The following ATL1 variants were observed in gnomAD, a reference collection of about 807,000 sequenced individuals.
ATL1 encodes atlastin-1.
A neutral mutation model predicts 75.5 loss-of-function variants in ATL1; 31 were observed. That is an observed-to-expected ratio of 0.41 (90% CI 0.31 to 0.55). The LOEUF (loss-of-function observed/expected upper bound fraction) is 0.55, where lower values mean the gene tolerates loss of function less well. Among genes scored for constraint, ATL1 ranks in the 20% least tolerant of loss-of-function variants. The pLI, the probability that ATL1 is intolerant of heterozygous loss-of-function variation, is 0.27. For synonymous variants in ATL1, 226 were observed against 233.3 expected (o/e 0.97, Z 0.28); for missense variants, 405 against 662.6 (o/e 0.61, Z 4.27).
intron 6 of ATL1, among the ~76,000 whole-genome samples, chr14:50,613,052 T>C (rs2039380980): frequency 6.6e-6 from 1 of 152,146 alleles, no homozygotes; most frequent in Non-Finnish European, 1.5e-5. Context: ...TACACAGCCT[T>C]CTGTTCACAT....
At chr14:50,620,823 G>A (rs1595619686) in intron 9 of ATL1, 97 bp downstream of exon 9, 24 of 1,391,628 alleles carry the variant, frequency 1.7e-5, no homozygotes, top group Non-Finnish European at 2.0e-5. Flanking sequence ...TAATATGGGA[G>A]CAAAGGTACG....
At position 50,540,915 on chromosome 14, in the gene ATL1, T is replaced by A. The variant is rs925976850; in HGVS notation, c.-140+7548T>A. 3.3e-5 allele frequency among the ~76,000 whole-genome samples: 5 copies of A among 152,210 alleles called. No homozygotes were observed. In the East Asian group the frequency reaches 9.6e-4, roughly 29 times the overall value. On this transcript the variant is annotated intron_variant, in intron 1 of 13. Coordinates refer to the ATL1 transcript ENST00000441560. ...ATTAAAGATATGAAAGATACAAGTC[T>A]TTTCCTTTTAACTCCTCTTGGCTTG... is the stretch of plus-strand genomic sequence containing the variant.
intron 1 of ATL1, among the ~76,000 whole-genome samples, chr14:50,578,660 T>C (rs539098415): frequency 1.6e-4 from 24 of 152,312 alleles, no homozygotes; most frequent in African/African-American, 5.5e-4. Flanking sequence ...TTTCTTATGA[T>C]ATATATTGGG....
intron 2 of ATL1, among the ~76,000 whole-genome samples, chr14:50,588,318 T>A (rs891375358): frequency 6.6e-6 from 1 of 152,234 alleles, no homozygotes; most frequent in Non-Finnish European, 1.5e-5. Context: ...ATATTTTTAT[T>A]CTTTTAAAAA....
chr14:50,603,209 T>G (rs1174004106), intron 6 of ATL1, among the ~76,000 whole-genome samples: 3 of 152,218 alleles, frequency 2.0e-5, no homozygotes, highest in African/African-American at 7.2e-5. Context: ...ACTATTTACA[T>G]TTATTATCTT....
chr14:50,584,128 A>T (rs1458171222), intron 1 of ATL1, among the ~76,000 whole-genome samples: 1 of 152,216 alleles, frequency 6.6e-6, no homozygotes, highest in Non-Finnish European at 1.5e-5. Context: ...TAATGCCAGC[A>T]CTTTGGGAGG....
At chr14:50,558,191 C>T (rs2038786996), upstream of ATL1, among the ~76,000 whole-genome samples, 1 of 151,998 alleles carries the variant, frequency 6.6e-6, no homozygotes, top group Non-Finnish European at 1.5e-5. Context: ...ATGGAGAAAC[C>T]CCGTCTCTAC....
intron 12 of ATL1, 21 bp downstream of exon 12, chr14:50,628,483 C>T (rs897377602): frequency 3.7e-6 from 6 of 1,609,628 alleles, no homozygotes; most frequent in Non-Finnish European, 5.1e-6. Context: ...CTTTAATTCA[C>T]AACTAAATTC....
chr14:50,566,629 G>T (rs1420062293), intron 1 of ATL1, among the ~76,000 whole-genome samples: 1 of 152,052 alleles, frequency 6.6e-6, no homozygotes, highest in Non-Finnish European at 1.5e-5. Flanking sequence ...TTCCTCCTCA[G>T]TGCCTGTTTG....
chr14:50,553,828 A>T (rs1238807399), intron 1 of ATL1, among the ~76,000 whole-genome samples: 1 of 152,242 alleles, frequency 6.6e-6, no homozygotes, highest in African/African-American at 2.4e-5. Context: ...GGAGGCCATT[A>T]TTCTAAGTGA....
chr14:50,628,123 G>A lies in ATL1; in HGVS notation c.1212G>A (p.Gly404=), dbSNP rs1468685951. The A allele has an allele frequency of 1.9e-6, 3 of 1,614,150 alleles. No homozygotes were observed. The highest frequency in any genetic ancestry group is 4.5e-5 in the East Asian group (2 of 44,874). The part of the protein sequence containing the change: ...LKEESVKLFR[G]VKKMGGEEFS... ...AAGAATCTGTGAAGCTATTCCGAGGGGTGAAGAAGATGGGTGGGGAAGAAT... is the reference window on the plus strand; with the variant it reads ...AAGAATCTGTGAAGCTATTCCGAGGAGTGAAGAAGATGGGTGGGGAAGAAT... The change falls in exon 12 of 14, where the codon GGG becomes GGA. Residue 404 remains glycine (G), a synonymous_variant. Coordinates refer to ENST00000358385, the MANE Select transcript of ATL1 (RefSeq NM_015915.5).
chr14:50,567,992 A>T (rs3950096), intron 1 of ATL1, among the ~76,000 whole-genome samples: 2,321 of 152,302 alleles, frequency 0.015, 46 homozygotes, highest in African/African-American at 0.053. Flanking sequence ...TTTGTCTGTT[A>T]GGTCTAATTG....
chr14:50,625,924 A>G (rs1279741610), intron 11 of ATL1, among the ~76,000 whole-genome samples: 1 of 151,660 alleles, frequency 6.6e-6, no homozygotes, highest in East Asian at 1.9e-4. Flanking sequence ...GAAAAAAAAA[A>G]TCATGCTATA....
intron 1 of ATL1, among the ~76,000 whole-genome samples, chr14:50,552,849 G>A (rs2038719872): frequency 6.6e-6 from 1 of 152,126 alleles, no homozygotes; most frequent in Non-Finnish European, 1.5e-5. Flanking sequence ...TCACCTTATA[G>A]AAAAATCAAC....
At position 50,623,172 on chromosome 14, in the gene ATL1, C is replaced by T. The variant is rs1363807567; in HGVS notation, c.1048-5C>T. On this transcript the variant is annotated splice_polypyrimidine_tract_variant and splice_region_variant and intron_variant, in intron 10 of 13. Transcript: ENST00000358385. Reference sequence around the variant, plus strand: ...TTTACATCATATTTTGTACTTTGTCCAAAGGCCACAGCAGAAGCTAACAAT... The same window carrying T: ...TTTACATCATATTTTGTACTTTGTCTAAAGGCCACAGCAGAAGCTAACAAT... 1.9e-6 allele frequency: 3 copies of T among 1,613,160 alleles called. No individual in the cohort carries two copies. Among genetic ancestry groups the T allele is most frequent in the Non-Finnish European group, 8.5e-7 (1 of 1,179,544 alleles).
intron 9 of ATL1, among the ~76,000 whole-genome samples, chr14:50,620,936 T>C (rs2039461924): frequency 6.6e-6 from 1 of 152,204 alleles, no homozygotes; most frequent in South Asian, 2.1e-4. Context: ...AAACTACATA[T>C]AGGTAACATT....
intron 1 of ATL1, among the ~76,000 whole-genome samples, chr14:50,573,259 T>C (rs1357285004): frequency 6.6e-6 from 1 of 152,184 alleles, no homozygotes; most frequent in African/African-American, 2.4e-5. Flanking sequence ...TAAATTAATG[T>C]TTTGTTCTTG....
chr14:50,591,174 C>T (rs2039154608), intron 3 of ATL1, 99 bp downstream of exon 3: 1 of 1,246,324 alleles, frequency 8.0e-7, no homozygotes, highest in Non-Finnish European at 1.1e-6. Context: ...TAATTTTGAC[C>T]ATTTGACATG....
chr14:50,569,856 T>TA (rs1230709538), intron 1 of ATL1, among the ~76,000 whole-genome samples: 3 of 152,218 alleles, frequency 2.0e-5, no homozygotes, highest in Non-Finnish European at 4.4e-5. Context: ...TTTCAGCACT[T>TA]AGACTATGTC....
Sources: allele counts gnomAD v4.1 joint callset (sites outside exome capture counted in the v4.1 genomes callset), GRCh38; gene constraint gnomAD v4.1.1; transcripts MANE v1.5; gene names NCBI Gene and HGNC (gene_info 2026-07-23, HGNC 2026-07-21).